The following FREM1 variants were observed in gnomAD, a reference collection of about 807,000 sequenced individuals.
FREM1 encodes the protein FRAS1-related extracellular matrix protein 1.
Under a neutral mutation model 210.1 loss-of-function variants are expected in FREM1, and 220 were observed. The ratio of observed to expected loss-of-function variants is 1.05; its 90% CI spans 0.94 to 1.17. FREM1 has a LOEUF of 1.17. Ranked by LOEUF, FREM1 falls within the 50% of genes most tolerant of loss-of-function variation. The pLI is 0.00. For missense variants in FREM1, 3,454 were observed against 2,675.5 expected (o/e 1.29, Z -6.42); for synonymous variants, 1,189 against 980.2 (o/e 1.21, Z -3.98).
rs750911809 is a variant in FREM1, at chr9:14,805,020, G to C, written c.3407C>G (p.Pro1136Arg). ...TGTGGGGTTGATTATAATAGAAAAT[G>C]GTATCTCCAAGGAGTGATGCTTCCC... ...TDGKHHSLEI[P>R]FSIIINPTND... The change falls in exon 19 of 37, where the codon CCA (proline) becomes CGA (arginine). Residue 1136 changes from proline to arginine, a missense_variant. Coordinates refer to ENST00000380880, the MANE Select transcript of FREM1 (RefSeq NM_001379081.2). The C allele has an allele frequency of 6.2e-7, 1 of 1,613,738 alleles. No homozygotes were observed. The highest frequency in any genetic ancestry group is 1.1e-5 in the South Asian group (1 of 91,062).
chr9:14,896,567 A>T lies in FREM1; in HGVS notation c.-268+13347T>A, dbSNP rs568503241. Among the ~76,000 whole-genome samples the T allele has an allele frequency of 5.1e-3, 705 of 138,240 alleles. 10 individuals are homozygous for T. Among genetic ancestry groups the T allele is most frequent in the African/African-American group, 0.018 (664 of 36,356 alleles). 90.7% of individuals were successfully genotyped at this position (138,240 alleles called of 152,430 possible). A position where few individuals can be genotyped will look rare whatever the true frequency, so the allele number is the denominator to read the frequency against. ...CTCAAAAAAAAAAAAAAAAAAAAAG[A>T]AGCATGAATAATCCACCCCTTGTTT... On this transcript the variant is annotated intron_variant, in intron 1 of 36. Coordinates refer to ENST00000380880, the MANE Select transcript of FREM1 (RefSeq NM_001379081.2).
chr9:14,831,298 A>G (rs536207951), intron 10 of FREM1, among the ~76,000 whole-genome samples: 2 of 152,328 alleles, frequency 1.3e-5, no homozygotes, highest in South Asian at 4.1e-4. Flanking sequence ...TCTGCATGAA[A>G]TGTGCAAAGA....
At chr9:14,757,029 A>T (rs546173738) in intron 28 of FREM1, among the ~76,000 whole-genome samples, 1 of 149,644 alleles carries the variant, frequency 6.7e-6, no homozygotes, top group East Asian at 2.0e-4. Context: ...GAACCGGAAG[A>T]CCTGGTGAAC....
At chr9:14,746,800 G>T in intron 34 of FREM1, 123 bp downstream of exon 34, 1 of 1,224,790 alleles carries the variant, frequency 8.2e-7, no homozygotes. Context: ...TGGCCTTCAA[G>T]TTGTTAACAA....
intron 32 of FREM1, 71 bp downstream of exon 32, chr9:14,747,610 A>G: frequency 9.3e-7 from 1 of 1,070,552 alleles, no homozygotes; most frequent in Non-Finnish European, 1.3e-6. Flanking sequence ...TAAAAAATAT[A>G]AAATAATAGC....
Position 14,871,965 on chromosome 9 carries a change from G to C in FREM1, c.-267-2721C>G, listed in dbSNP as rs1029225929. On this transcript the variant is annotated intron_variant, in intron 1 of 36. Transcript: ENST00000380880. ...TTTTTGTCAGGTTTGTCAAAGATCA[G>C]ATAGATCTTTGTAGACATGCGGCAT... is the stretch of plus-strand genomic sequence containing the variant. 7.9e-5 allele frequency among the ~76,000 whole-genome samples: 12 copies of C among 152,268 alleles called. 1 individual carries two copies. Among genetic ancestry groups the C allele is most frequent in the Admixed American group, 4.6e-4 (7 of 15,288 alleles).
At chr9:14,767,201 T>A (rs1410844685) in intron 27 of FREM1, among the ~76,000 whole-genome samples, 1 of 152,158 alleles carries the variant, frequency 6.6e-6, no homozygotes, top group Non-Finnish European at 1.5e-5. Flanking sequence ...TAAATTCTAG[T>A]GTGTTAGATA....
At chr9:14,860,892 T>TATACGTATATATAC (rs1164125698) in intron 3 of FREM1, among the ~76,000 whole-genome samples, 2 of 84,702 alleles carry the variant, frequency 2.4e-5, no homozygotes, top group Non-Finnish European at 4.2e-5. Context: ...TACACATATA[T>TATACGTATATATAC]ACATATATAC....
In FREM1 at chr9:14,851,532, C is replaced by T. The variant is rs767762974; in HGVS notation, c.904G>A (p.Val302Met). 15 of 1,613,790 alleles carry T rather than the reference C, an allele frequency of 9.3e-6. No homozygotes were observed. The Admixed American group carries it at 1.2e-4, about 13-fold the overall frequency. ...NQIPKAAFMA[V>M]FILEVDQFIL... Reference sequence around the variant, plus strand: ...AACTGATCCACTTCCAGAATAAACACGGCCATGAATGCAGCCTTTGGAATC... The same window carrying T: ...AACTGATCCACTTCCAGAATAAACATGGCCATGAATGCAGCCTTTGGAATC... The change falls in exon 6 of 37, where the codon GTG becomes ATG. Residue 302 changes from valine to methionine, a missense_variant. Val to Met is a conservative substitution (Grantham distance 21, BLOSUM62 1). Coordinates refer to ENST00000380880, the MANE Select transcript of FREM1 (RefSeq NM_001379081.2).
intron 3 of FREM1, among the ~76,000 whole-genome samples, chr9:14,860,338 C>T (rs1382509944): frequency 6.6e-6 from 1 of 151,648 alleles, no homozygotes; most frequent in African/African-American, 2.4e-5. Flanking sequence ...GCCTACTCCC[C>T]TGAATATTTT....
At chr9:14,765,883 A>T (rs1994920) in intron 27 of FREM1, among the ~76,000 whole-genome samples, 143,113 of 152,272 alleles carry the variant, frequency 0.94, 67,582 homozygotes, top group Middle Eastern at 1. Flanking sequence ...AGGTCCACGT[A>T]GAAGCTGTAT....
chr9:14,791,556 G>A (rs1851321286), intron 22 of FREM1, among the ~76,000 whole-genome samples: 1 of 152,176 alleles, frequency 6.6e-6, no homozygotes, highest in Non-Finnish European at 1.5e-5. Context: ...TTGCCCATCT[G>A]AACCTAAACA....
At chr9:14,781,734 G>A (rs946938000) in intron 24 of FREM1, among the ~76,000 whole-genome samples, 1 of 152,020 alleles carries the variant, frequency 6.6e-6, no homozygotes, top group Non-Finnish European at 1.5e-5. Context: ...ATGGAGTTTC[G>A]CTCTTGTTGC....
chr9:14,860,595 A>ATGTGTG (rs1205490767), intron 3 of FREM1, among the ~76,000 whole-genome samples: 3 of 86,610 alleles, frequency 3.5e-5, no homozygotes, highest in African/African-American at 1.9e-4. Context: ...ATATATATAC[A>ATGTGTG]TATATACACA....
At chr9:14,740,319 G>C in intron 35 of FREM1, 85 bp from the exon 36 acceptor site, 1 of 995,504 alleles carries the variant, frequency 1.0e-6, no homozygotes, top group Non-Finnish European at 1.6e-6. Flanking sequence ...ATAAAAGTAA[G>C]TTTAAAATAC....
At chr9:14,880,487 C>T (rs1319119176) in intron 1 of FREM1, among the ~76,000 whole-genome samples, 1 of 151,640 alleles carries the variant, frequency 6.6e-6, no homozygotes, top group Non-Finnish European at 1.5e-5. Context: ...ATCTGTAATC[C>T]CAGCTACTCA....
At chr9:14,774,223 C>T in intron 25 of FREM1, 4 of 506,446 alleles carry the variant, frequency 7.9e-6, no homozygotes, top group South Asian at 5.8e-5. Context: ...TTTCATGTGT[C>T]AACTTTGCAG....
At chr9:14,806,902 G>A (rs1818472888) in intron 17 of FREM1, 56 bp from the exon 18 acceptor site, 2 of 1,129,586 alleles carry the variant, frequency 1.8e-6, no homozygotes, top group Non-Finnish European at 2.5e-6. Flanking sequence ...TAAACAGACT[G>A]GGTAGGACAA....
At chr9:14,872,608 C>T (rs919225005) in intron 1 of FREM1, among the ~76,000 whole-genome samples, 7 of 151,962 alleles carry the variant, frequency 4.6e-5, no homozygotes, top group African/African-American at 1.4e-4. Context: ...ATCATGTCAT[C>T]TGCAAACAGG....
Sources: gnomAD v4.1 joint callset for allele counts (sites outside exome capture counted in the v4.1 genomes callset) on GRCh38, gnomAD v4.1.1 for gene constraint, MANE v1.5 for transcripts, NCBI Gene and HGNC (gene_info 2026-07-23, HGNC 2026-07-21) for gene names.